The following PEX1 variants were observed in gnomAD, a reference collection of about 807,000 sequenced individuals.
PEX1 encodes the protein peroxisomal biogenesis factor 1.
PEX1 carries 97 observed loss-of-function variants against 152.5 expected under a neutral mutation model. The observed-to-expected ratio is 0.64, with a 90% CI of 0.54 to 0.75. The LOEUF (loss-of-function observed/expected upper bound fraction) is 0.75, where lower values mean the gene tolerates loss of function less well. Among genes scored for constraint, PEX1 ranks in the 30% least tolerant of loss-of-function variants. PEX1 has a pLI of 0.00. For synonymous variants in PEX1, 485 were observed against 531.6 expected (o/e 0.91, Z 1.21); for missense variants, 1,357 against 1,516.3 (o/e 0.89, Z 1.74).
rs761835242 is a variant in PEX1, at chr7:92,489,313, G to A, written c.3747C>T (p.Asp1249=). 1.9e-6 allele frequency: 3 copies of A among 1,613,470 alleles called. No homozygotes were observed. In the South Asian group the frequency reaches 3.3e-5, roughly 18 times the overall value. The change falls in exon 23 of 24, where the codon GAC becomes GAT. Residue 1249 remains aspartate, a synonymous_variant. Transcript: ENST00000248633. ...GHTRPSISED[D]WKNFAELYES... is the part of the protein sequence containing the mutation. ...CTTACAGCTCAGCAAAATTCTTCCA[G>A]TCATCTTCACTAATGGATGGTCTTG...
At position 92,491,285 on chromosome 7, in the gene PEX1, G is replaced by T. The variant is rs756060498; in HGVS notation, c.3425C>A (p.Thr1142Asn). 2 of 1,603,582 alleles carry T rather than the reference G, an allele frequency of 1.2e-6. No individual in the cohort carries two copies. Among genetic ancestry groups the T allele is most frequent in the Admixed American group, 3.3e-5 (2 of 59,992 alleles). ...SSYESELGNG[T>N]SSDLSSQCLS... ...TGCACAAGATACCAAATCAGAAGAG[G>T]TTCCATTTCCAAGTTCTGATTCATA... Residue 1142 changes from threonine to asparagine, a missense_variant, in exon 21 of 24, where the codon ACC (threonine) becomes AAC (asparagine). Coordinates refer to ENST00000248633, the MANE Select transcript of PEX1 (RefSeq NM_000466.3).
intron 9 of PEX1, 105 bp downstream of exon 9, chr7:92,509,224 A>G: frequency 1.3e-6 from 1 of 773,202 alleles, no homozygotes; most frequent in Non-Finnish European, 2.3e-6. Flanking sequence ...CATTATTAAG[A>G]TCACTTATTG....
intron 13 of PEX1, 74 bp downstream of exon 13, chr7:92,502,967 A>G: frequency 7.8e-7 from 1 of 1,278,134 alleles, no homozygotes; most frequent in Non-Finnish European, 1.1e-6. Flanking sequence ...TAAAGCCACG[A>G]ATTACTAATA....
At chr7:92,521,383 C>G (rs1358405650) in intron 2 of PEX1, among the ~76,000 whole-genome samples, 1 of 152,092 alleles carries the variant, frequency 6.6e-6, no homozygotes, top group African/African-American at 2.4e-5. Context: ...ATATTAAACT[C>G]ATAAGGGAAA....
chr7:92,490,097 C>G (rs1791208129), intron 21 of PEX1, 186 bp from the exon 22 acceptor site: 1 of 624,290 alleles, frequency 1.6e-6, no homozygotes, highest in Admixed American at 2.6e-5. Context: ...TTCACTGATA[C>G]CTGTGTTATA....
intron 19 of PEX1, 31 bp from the exon 20 acceptor site, chr7:92,493,160 A>ATATTTTT (rs1562846567): frequency 8.0e-7 from 1 of 1,252,122 alleles, no homozygotes; most frequent in East Asian, 2.6e-5. Context: ...TTAACAAATA[A>ATATTTTT]AAAATAAAAT....
intron 5 of PEX1, 21 bp downstream of exon 5, chr7:92,517,255 A>T: frequency 6.3e-7 from 1 of 1,587,698 alleles, no homozygotes; most frequent in Non-Finnish European, 8.6e-7. Context: ...ATTTCTCCCA[A>T]GTTATAAAAT....
intron 6 of PEX1, among the ~76,000 whole-genome samples, 175 bp downstream of exon 6, chr7:92,513,673 A>G (rs1487434963): frequency 6.6e-6 from 1 of 152,178 alleles, no homozygotes; most frequent in Admixed American, 6.5e-5. Flanking sequence ...ATGCCTTTGA[A>G]TTATACACTT....
intron 8 of PEX1, 38 bp downstream of exon 8, chr7:92,510,906 A>C: frequency 9.4e-7 from 1 of 1,067,818 alleles, no homozygotes; most frequent in Non-Finnish European, 1.4e-6. Flanking sequence ...ATATGTAACA[A>C]ATAGTATTTT....
chr7:92,516,724 T>C (rs1435515462), intron 5 of PEX1, among the ~76,000 whole-genome samples: 2 of 152,198 alleles, frequency 1.3e-5, no homozygotes, highest in African/African-American at 2.4e-5. Flanking sequence ...CTAGTTGCCC[T>C]GTCTACTTCC....
At position 92,517,681 on chromosome 7, in the gene PEX1, T is replaced by A. The variant is rs1477748762; in HGVS notation, c.834A>T (p.Ser278=). The A allele has an allele frequency of 6.2e-7, 1 of 1,613,762 alleles. No homozygotes were observed. ...AAATATTGTCTAGAGGAACAACCTT[T>A]GACTGCATATTTTTGAATGCATTGA... ...TEINAFKNMQ[S]KVVPLDNIFR... is the part of the protein sequence containing the mutation. The change falls in exon 5 of 24, where the codon TCA becomes TCT. Residue 278 remains serine, a synonymous_variant. Transcript: ENST00000248633.
Position 92,494,107 on chromosome 7 carries a change from C to T in PEX1, c.3030+186G>A, listed in dbSNP as rs529529536. 14 of 588,446 alleles carry T rather than the reference C, an allele frequency of 2.4e-5. No homozygotes were observed. The African/African-American group carries it at 2.4e-4, about 10-fold the overall frequency. 36.5% of individuals were successfully genotyped at this position (588,446 alleles called of 1,614,324 possible). On this transcript the variant is annotated intron_variant, in intron 19 of 23. Transcript: ENST00000248633. Reference sequence around the variant, plus strand: ...GGATTACAAAGTTTTCAGACTTGCACTGGGCCAAAAAAAGGCTTTGCATCT... The same window carrying T: ...GGATTACAAAGTTTTCAGACTTGCATTGGGCCAAAAAAAGGCTTTGCATCT...
Position 92,506,627 on chromosome 7 carries a change from G to A in PEX1, c.1804-283C>T, listed in dbSNP as rs934865004. ...ACATTAGCAGATAAAACTCAGCAAT[G>A]TAGAAAGAATGATACACCACAACTA... On this transcript the variant is annotated intron_variant, in intron 10 of 23. Transcript: ENST00000248633. The A allele has an allele frequency of 1.2e-5, 6 of 506,102 alleles. No individual in the cohort carries two copies. In the Admixed American group the frequency reaches 2.0e-4, roughly 17 times the overall value. 31.4% of individuals were successfully genotyped at this position (506,102 alleles called of 1,614,324 possible). A position where few individuals can be genotyped will look rare whatever the true frequency, so the allele number is the denominator to read the frequency against.
chr7:92,498,488 G>T (rs1791767894), intron 16 of PEX1, among the ~76,000 whole-genome samples: 1 of 152,054 alleles, frequency 6.6e-6, no homozygotes, highest in South Asian at 2.1e-4. Context: ...CCATCTCAAA[G>T]AAATAAAAAT....
At chr7:92,518,719 A>G (rs1234633503) in intron 3 of PEX1, among the ~76,000 whole-genome samples, 3 of 152,026 alleles carry the variant, frequency 2.0e-5, no homozygotes, top group African/African-American at 7.3e-5. Context: ...AATGGCATGC[A>G]CTACCATGCC....
Position 92,503,034 on chromosome 7 carries a change from G to T in PEX1, c.2226+7C>A, listed in dbSNP as rs371347250. On this transcript the variant is annotated splice_region_variant and intron_variant, in intron 13 of 23. Coordinates refer to ENST00000248633, the MANE Select transcript of PEX1 (RefSeq NM_000466.3). ...TAATTCAATAATCCTTACAAGTAGT[G>T]TATTACCTGATTAGGAGGCTGAATG... 5 of 1,608,052 alleles carry T rather than the reference G, an allele frequency of 3.1e-6. No homozygotes were observed. The highest frequency in any genetic ancestry group is 3.4e-6 in the Non-Finnish European group (4 of 1,174,564).
intron 12 of PEX1, 52 bp downstream of exon 12, chr7:92,504,680 A>G: frequency 6.4e-7 from 1 of 1,557,330 alleles, no homozygotes; most frequent in Non-Finnish European, 8.8e-7. Flanking sequence ...TAAGACTAAA[A>G]ATGCTGACTG....
intron 16 of PEX1, among the ~76,000 whole-genome samples, chr7:92,498,233 G>T (rs1334793053): frequency 1.3e-5 from 2 of 152,042 alleles, no homozygotes; most frequent in African/African-American, 2.4e-5. Flanking sequence ...GCTGGGCACG[G>T]TAGCTCACGT....
chr7:92,514,172 T>C (rs1444583640), intron 5 of PEX1, among the ~76,000 whole-genome samples: 2 of 152,178 alleles, frequency 1.3e-5, no homozygotes, highest in Non-Finnish European at 2.9e-5. Flanking sequence ...CAGAAACTTA[T>C]TTCTCACAGT....
Sources: gnomAD v4.1 joint callset for allele counts (sites outside exome capture counted in the v4.1 genomes callset) on GRCh38, gnomAD v4.1.1 for gene constraint, MANE v1.5 for transcripts, NCBI Gene and HGNC (gene_info 2026-07-23, HGNC 2026-07-21) for gene names.